The following CNTN1 variants were observed in gnomAD, a reference collection of about 807,000 sequenced individuals.
The protein encoded by CNTN1 is contactin 1, also known as contactin-1.
Under a neutral mutation model 126.4 loss-of-function variants are expected in CNTN1, and 38 were observed. That is an observed-to-expected ratio of 0.30 (90% CI 0.23 to 0.39). The LOEUF is 0.39. Among genes scored for constraint, CNTN1 ranks in the 10% least tolerant of loss-of-function variants. The pLI is 1.00. For synonymous variants in CNTN1, 413 were observed against 422.6 expected (o/e 0.98, Z 0.28); for missense variants, 1,009 against 1,248.4 (o/e 0.81, Z 2.89).
chr12:40,813,716 G>A (rs1437907360), intron 1 of CNTN1, among the ~76,000 whole-genome samples: 1 of 152,130 alleles, frequency 6.6e-6, no homozygotes, highest in Non-Finnish European at 1.5e-5. Context: ...ACCCAGTAAT[G>A]GGATTGCTGG....
At chr12:40,736,286 A>G (rs1937675411) in intron 1 of CNTN1, among the ~76,000 whole-genome samples, 1 of 152,108 alleles carries the variant, frequency 6.6e-6, no homozygotes, top group African/African-American at 2.4e-5. Flanking sequence ...ATAGTAATAC[A>G]ATATTCTAAT....
At chr12:40,893,915 C>T (rs956924048) in intron 1 of CNTN1, among the ~76,000 whole-genome samples, 4 of 152,014 alleles carry the variant, frequency 2.6e-5, no homozygotes, top group Admixed American at 6.6e-5. Context: ...AAATATAATA[C>T]GTTCAAAACT....
intron 1 of CNTN1, among the ~76,000 whole-genome samples, chr12:40,906,890 C>T (rs570397178): frequency 6.6e-6 from 1 of 152,064 alleles, no homozygotes; most frequent in Non-Finnish European, 1.5e-5. Flanking sequence ...GTTGGTCAGG[C>T]TGGTCTCGAA....
intron 1 of CNTN1, among the ~76,000 whole-genome samples, chr12:40,853,421 C>A (rs927797842): frequency 6.6e-6 from 1 of 152,060 alleles, no homozygotes; most frequent in Non-Finnish European, 1.5e-5. Flanking sequence ...GAACCTTGCC[C>A]ACATGAGAAA....
intron 14 of CNTN1, among the ~76,000 whole-genome samples, chr12:40,950,183 A>G (rs1381340466): frequency 6.6e-6 from 1 of 151,830 alleles, no homozygotes; most frequent in Non-Finnish European, 1.5e-5. Context: ...ATAATGCACA[A>G]GACAGATTCC....
chr12:40,869,794 A>T (rs1378260630), intron 1 of CNTN1, among the ~76,000 whole-genome samples: 1 of 152,160 alleles, frequency 6.6e-6, no homozygotes, highest in Non-Finnish European at 1.5e-5. Flanking sequence ...CTGTTAGTGA[A>T]GATATTGGAA....
chr12:40,853,581 C>T (rs1056752971), intron 1 of CNTN1, among the ~76,000 whole-genome samples: 3 of 151,908 alleles, frequency 2.0e-5, no homozygotes, highest in South Asian at 2.1e-4. Flanking sequence ...TATTCAACAC[C>T]CACTATCTGT....
chr12:40,708,067 T>C (rs1304701047), intron 1 of CNTN1, among the ~76,000 whole-genome samples: 1 of 152,242 alleles, frequency 6.6e-6, no homozygotes, highest in Non-Finnish European at 1.5e-5. Flanking sequence ...TAATTTGAAG[T>C]TACATTTTCT....
At chr12:40,847,791 C>T (rs539284864) in intron 1 of CNTN1, among the ~76,000 whole-genome samples, 1 of 152,298 alleles carries the variant, frequency 6.6e-6, no homozygotes, top group South Asian at 2.1e-4. Flanking sequence ...GAATCAGTGG[C>T]CCCCAACCGT....
rs536337941 is a variant in CNTN1 at position 40,764,821 on chromosome 12, C to A, written c.-77+72229C>A. On this transcript the variant is annotated intron_variant, in intron 1 of 23. Coordinates refer to ENST00000551295, the MANE Select transcript of CNTN1 (RefSeq NM_001843.4). Reference sequence around the variant, plus strand: ...CTTTCATGAGAAGATACTCTCCAGGCATTGTTGGATTTCTTCTTTGAACCA... The same window carrying A: ...CTTTCATGAGAAGATACTCTCCAGGAATTGTTGGATTTCTTCTTTGAACCA... Among the ~76,000 whole-genome samples, 18 of 152,268 alleles carry A rather than the reference C, an allele frequency of 1.2e-4. No homozygotes were observed. The South Asian group carries it at 3.5e-3, about 30-fold the overall frequency.
At chr12:40,779,346 T>C (rs142542025) in intron 1 of CNTN1, among the ~76,000 whole-genome samples, 108 of 151,980 alleles carry the variant, frequency 7.1e-4, no homozygotes, top group African/African-American at 2.4e-3. Flanking sequence ...AGTTAAGAAC[T>C]TAACCTTACT....
chr12:40,953,038 C>A (rs147879984), intron 14 of CNTN1, among the ~76,000 whole-genome samples: 27 of 152,136 alleles, frequency 1.8e-4, no homozygotes, highest in Middle Eastern at 3.4e-3. Flanking sequence ...TCTTTGTTCA[C>A]TAAGATTAAT....
chr12:40,694,207 C>A (rs1941385993), intron 1 of CNTN1, among the ~76,000 whole-genome samples: 1 of 152,216 alleles, frequency 6.6e-6, no homozygotes, highest in East Asian at 1.9e-4. Context: ...TAAGGAACTG[C>A]TAGAACCCTT....
chr12:40,703,110 T>G (rs1941643298), intron 1 of CNTN1, among the ~76,000 whole-genome samples: 1 of 152,122 alleles, frequency 6.6e-6, no homozygotes, highest in East Asian at 1.9e-4. Flanking sequence ...CTTAGAAACA[T>G]GAATAAGAAT....
intron 16 of CNTN1, among the ~76,000 whole-genome samples, chr12:40,985,301 A>G (rs1026145355): frequency 2.6e-5 from 4 of 151,860 alleles, no homozygotes; most frequent in African/African-American, 9.7e-5. Flanking sequence ...ATTTACCAGT[A>G]TATTTATTAT....
intron 1 of CNTN1, among the ~76,000 whole-genome samples, chr12:40,721,344 T>G (rs1942205869): frequency 6.6e-6 from 1 of 152,172 alleles, no homozygotes; most frequent in Admixed American, 6.5e-5. Flanking sequence ...CACCTCCTTT[T>G]TTTTATATTG....
intron 23 of CNTN1, among the ~76,000 whole-genome samples, chr12:41,049,628 C>T (rs1370008534): frequency 1.3e-5 from 2 of 152,204 alleles, no homozygotes; most frequent in Non-Finnish European, 2.9e-5. Flanking sequence ...GTGCTTAACA[C>T]CTACAATTCA....
At chr12:40,832,579 T>C (rs1412571043) in intron 1 of CNTN1, among the ~76,000 whole-genome samples, 1 of 152,194 alleles carries the variant, frequency 6.6e-6, no homozygotes, top group Non-Finnish European at 1.5e-5. Context: ...CAAAATCACC[T>C]AACTGCTCAT....
At chr12:40,760,384 T>A (rs1400829933) in intron 1 of CNTN1, among the ~76,000 whole-genome samples, 1 of 152,092 alleles carries the variant, frequency 6.6e-6, no homozygotes, top group Non-Finnish European at 1.5e-5. Flanking sequence ...AAATTACACA[T>A]TTGTTTTATC....
Sources: allele counts gnomAD v4.1 joint callset (sites outside exome capture counted in the v4.1 genomes callset), GRCh38; gene constraint gnomAD v4.1.1; transcripts MANE v1.5; gene names NCBI Gene and HGNC (gene_info 2026-07-23, HGNC 2026-07-21).